The following VNN1 variants were observed in gnomAD, a reference collection of about 807,000 sequenced individuals.
The protein encoded by VNN1 is pantetheinase.
A neutral mutation model predicts 41.9 loss-of-function variants in VNN1; 29 were observed. The ratio of observed to expected loss-of-function variants is 0.69; its 90% CI spans 0.52 to 0.94. The LOEUF (loss-of-function observed/expected upper bound fraction) is 0.94. Ranked by LOEUF, VNN1 falls within the 40% of genes least tolerant of loss-of-function variation. The probability of loss-of-function intolerance (pLI) is 0.00; values close to 1 mark genes in which losing one functional copy is unlikely to be tolerated. For synonymous variants in VNN1, 233 were observed against 224.4 expected (o/e 1.04, Z -0.34); for missense variants, 637 against 621.1 (o/e 1.03, Z -0.27).
chr6:132,694,578 G>A (rs1364889259), intron 2 of VNN1, among the ~76,000 whole-genome samples: 1 of 152,078 alleles, frequency 6.6e-6, no homozygotes, highest in Non-Finnish European at 1.5e-5. Context: ...TCTTGGGGTG[G>A]GTGTGGTTGC....
intron 5 of VNN1, among the ~76,000 whole-genome samples, chr6:132,691,398 C>G (rs1354218312): frequency 6.6e-6 from 1 of 151,628 alleles, no homozygotes; most frequent in Non-Finnish European, 1.5e-5. Flanking sequence ...ATGGAGGCCA[C>G]TTGCGAGCAA....
chr6:132,699,863 A>G (rs1582774540), intron 2 of VNN1, among the ~76,000 whole-genome samples: 1 of 152,236 alleles, frequency 6.6e-6, no homozygotes, highest in African/African-American at 2.4e-5. Context: ...TAACACCTCA[A>G]TAGTAAGGAA....
chr6:132,693,418 A>C, intron 3 of VNN1, 103 bp from the exon 4 acceptor site: 18 of 1,173,262 alleles, frequency 1.5e-5, no homozygotes, highest in Non-Finnish European at 2.0e-5. Context: ...TGCCAATTTC[A>C]TCTATGATCA....
intron 2 of VNN1, among the ~76,000 whole-genome samples, chr6:132,707,856 A>C (rs1238291333): frequency 6.6e-6 from 1 of 152,242 alleles, no homozygotes; most frequent in African/African-American, 2.4e-5. Context: ...AATAAGGTCT[A>C]GTATTCAATA....
chr6:132,695,332 C>T (rs1028358494), intron 2 of VNN1, among the ~76,000 whole-genome samples: 1 of 152,128 alleles, frequency 6.6e-6, no homozygotes, highest in African/African-American at 2.4e-5. Flanking sequence ...TGGAAGGTAA[C>T]TTACAGTTAA....
intron 1 of VNN1, among the ~76,000 whole-genome samples, 170 bp downstream of exon 1, chr6:132,713,655 TG>T (rs765469961): frequency 1.3e-5 from 2 of 152,230 alleles, no homozygotes; most frequent in African/African-American, 2.4e-5. Context: ...GGGAAGTCCT[TG>T]CTCTAATTTT....
intron 4 of VNN1, 127 bp downstream of exon 4, chr6:132,692,897 A>G: frequency 9.0e-7 from 1 of 1,111,418 alleles, no homozygotes. Context: ...ATTAACAGCT[A>G]GATGTTCAAA....
Position 132,683,401 on chromosome 6 carries a change from C to G in VNN1, c.1360-79G>C, listed in dbSNP as rs1229461271. 3.5e-6 allele frequency: 5 copies of G among 1,413,036 alleles called. No individual in the cohort carries two copies. The African/African-American group carries it at 5.9e-5, about 17-fold the overall frequency. The allele number at this position is 1,413,036 out of a possible 1,614,324, so 87.5% of individuals were successfully genotyped here. ...AAATCACTTTTAAAATTTACTATAA[C>G]AGAATGAAGAAACAAAAATACTGGC... is the stretch of plus-strand genomic sequence containing the variant. On this transcript the variant is annotated intron_variant, in intron 6 of 6. Transcript: ENST00000367928.
intron 5 of VNN1, among the ~76,000 whole-genome samples, chr6:132,688,536 AG>A (rs1452885701): frequency 1.3e-5 from 2 of 152,200 alleles, no homozygotes; most frequent in African/African-American, 2.4e-5. Flanking sequence ...GGAGGTAAAA[AG>A]GTAGGAAAAG....
rs539471811 is a variant in VNN1, at chr6:132,708,080, G to A, written c.341+3629C>T. ...ATATATACATCTACTATGTACCCAT[G>A]AAAGTTAAAAATAAAATAATTAACA... On this transcript the variant is annotated intron_variant, in intron 2 of 6. Coordinates refer to ENST00000367928, the MANE Select transcript of VNN1 (RefSeq NM_004666.3). 5.3e-5 allele frequency among the ~76,000 whole-genome samples: 8 copies of A among 152,222 alleles called. No individual in the cohort carries two copies. The South Asian group carries it at 1.7e-3, about 32-fold the overall frequency.
intron 5 of VNN1, 24 bp from the exon 6 acceptor site, chr6:132,684,529 A>C (rs1426425228): frequency 6.2e-7 from 1 of 1,612,048 alleles, no homozygotes; most frequent in Admixed American, 1.7e-5. Flanking sequence ...GAAAACCAGT[A>C]AGTCATAAGA....
chr6:132,697,843 A>T (rs1241250567), intron 2 of VNN1, among the ~76,000 whole-genome samples: 1 of 152,214 alleles, frequency 6.6e-6, no homozygotes, highest in Non-Finnish European at 1.5e-5. Context: ...GCTTCAATTG[A>T]TATCTGAAAT....
rs753755825 is a variant in VNN1, at chr6:132,713,819, A to G, written c.210+7T>C. On this transcript the variant is annotated splice_region_variant and intron_variant, in intron 1 of 6. Transcript: ENST00000367928. ...CCAGTACACTGGAGAGATGGTAGAG[A>G]TGGTACCTGATCTGCTGCTGATGTG... 9 of 1,612,248 alleles carry G rather than the reference A, an allele frequency of 5.6e-6. No individual in the cohort carries two copies. In the East Asian group the frequency reaches 1.6e-4, roughly 28 times the overall value.
chr6:132,709,771 A>C (rs954053902), intron 2 of VNN1, among the ~76,000 whole-genome samples: 5 of 152,112 alleles, frequency 3.3e-5, no homozygotes, highest in African/African-American at 9.7e-5. Context: ...AAATGAAGTG[A>C]ATGGGACATC....
rs756782146 is a variant in VNN1 at position 132,683,167 on chromosome 6, T to C, written c.1515A>G (p.Ala505=). Residue 505 remains alanine (A), a synonymous_variant, in exon 7 of 7, where the codon GCA becomes GCG. Transcript: ENST00000367928. ...ACCAACTTAATGAGCATACAATAGG[T>C]GCTATAACTATTAGCATTATTATTC... The part of the protein sequence containing the change: ...QARIIMLIVI[A]PIVCSLSW 6.2e-7 allele frequency: 1 copy of C among 1,613,298 alleles called. No homozygotes were observed. Among genetic ancestry groups the C allele is most frequent in the Admixed American group, 1.7e-5 (1 of 59,682 alleles).
chr6:132,696,463 A>G (rs985313400), intron 2 of VNN1, among the ~76,000 whole-genome samples: 2 of 152,182 alleles, frequency 1.3e-5, no homozygotes, highest in Non-Finnish European at 2.9e-5. Context: ...AAGAAGCTCA[A>G]CAAACTCCAA....
chr6:132,707,731 G>A (rs79901069), intron 2 of VNN1, among the ~76,000 whole-genome samples: 1 of 152,154 alleles, frequency 6.6e-6, no homozygotes, highest in Non-Finnish European at 1.5e-5. Flanking sequence ...TGAACTCATG[G>A]AGATAGAGAT....
chr6:132,711,868 G>A (rs770274674), intron 1 of VNN1, 29 bp from the exon 2 acceptor site: 4 of 1,610,206 alleles, frequency 2.5e-6, no homozygotes, highest in African/African-American at 1.3e-5. Flanking sequence ...AATCCAAAGG[G>A]GGGCCTGCAA....
At chr6:132,704,523 A>G (rs968472200) in intron 2 of VNN1, among the ~76,000 whole-genome samples, 1 of 152,130 alleles carries the variant, frequency 6.6e-6, no homozygotes, top group Non-Finnish European at 1.5e-5. Context: ...ATGAAAATGG[A>G]TATGCAACAT....
Sources: allele counts gnomAD v4.1 joint callset (sites outside exome capture counted in the v4.1 genomes callset), GRCh38; gene constraint gnomAD v4.1.1; transcripts MANE v1.5; gene names NCBI Gene and HGNC (gene_info 2026-07-23, HGNC 2026-07-21).